TAFA5: variants seen among roughly 807,000 people sequenced by gnomAD.
TAFA5 encodes the protein TAFA chemokine like family member 5.
In TAFA5, 6 loss-of-function variants were observed where a neutral mutation model predicts 15.3. The ratio of observed to expected loss-of-function variants is 0.39; its 90% CI spans 0.21 to 0.77. The LOEUF is 0.77. TAFA5 is among the 30% of genes least tolerant of loss of function. The pLI is 0.41. For synonymous variants in TAFA5, 103 were observed against 80.7 expected, an observed-to-expected ratio of 1.28 and a Z score of -1.48; for missense variants, 161 against 193.1, an observed-to-expected ratio of 0.83 and a Z score of 0.98.
intron 2 of TAFA5, among the ~76,000 whole-genome samples, chr22:48,689,971 T>C (rs5771956): frequency 0.57 from 86,619 of 151,840 alleles, 24,917 homozygotes; most frequent in Non-Finnish European, 0.61. Flanking sequence ...TGTACACCGC[T>C]CTGCCTTGCA....
intron 1 of TAFA5, among the ~76,000 whole-genome samples, chr22:48,578,273 G>A (rs560180044): frequency 5.3e-5 from 8 of 152,204 alleles, no homozygotes; most frequent in African/African-American, 9.6e-5. Flanking sequence ...AGTTAGTAAC[G>A]GGAGAAGCTC....
chr22:48,592,427 A>G (rs1378084479), intron 1 of TAFA5, among the ~76,000 whole-genome samples: 1 of 152,154 alleles, frequency 6.6e-6, no homozygotes, highest in Non-Finnish European at 1.5e-5. Context: ...GTGAAGTGGG[A>G]GCCACTACAG....
At chr22:48,511,909 C>T (rs948210356) in intron 1 of TAFA5, among the ~76,000 whole-genome samples, 13 of 152,240 alleles carry the variant, frequency 8.5e-5, no homozygotes, top group South Asian at 2.1e-4. Flanking sequence ...GCTACAGATG[C>T]GGAACGGGGC....
chr22:48,742,566 G>A lies in TAFA5; in HGVS notation c.391-7273G>A, dbSNP rs1219315259. Among the ~76,000 whole-genome samples the A allele has an allele frequency of 5.3e-5, 8 of 151,768 alleles. No homozygotes were observed. ...GGCCGCATGGTGGACCAGGCAACGT[G>A]GTAGACTGGGCAGCGTGATGGACCA... On this transcript the variant is annotated intron_variant, in intron 3 of 3. Coordinates refer to ENST00000402357, the MANE Select transcript of TAFA5 (RefSeq NM_001082967.3). The surrounding 1 kb of genome is among the most constrained non-coding windows in gnomAD (Gnocchi z 6.2).
chr22:48,590,707 T>C (rs1924536952), intron 1 of TAFA5, among the ~76,000 whole-genome samples: 1 of 151,886 alleles, frequency 6.6e-6, no homozygotes, highest in African/African-American at 2.4e-5. Flanking sequence ...CAAAAGAAAA[T>C]TGTGGAAAAG....
Position 48,497,278 on chromosome 22 carries a change from G to GC in TAFA5, c.112+7574_112+7575insC, listed in dbSNP as rs1928363112. Among the ~76,000 whole-genome samples the GC allele has an allele frequency of 2.6e-5, 4 of 152,092 alleles. No individual in the cohort carries two copies. The South Asian group carries it at 6.2e-4, about 24-fold the overall frequency. On this transcript the variant is annotated intron_variant, in intron 1 of 3. Transcript: ENST00000402357. The stretch of plus-strand genomic sequence containing the variant: ...GGAGGACGCAGGGAGGAGAAGCCGG[G>GC]GCCTGCGGTCCCACGGGGCCCGGCA...
intron 2 of TAFA5, among the ~76,000 whole-genome samples, chr22:48,703,473 A>G (rs73175178): frequency 0.16 from 23,911 of 152,182 alleles, 2,034 homozygotes; most frequent in Non-Finnish European, 0.19. Flanking sequence ...AGATGCTGAA[A>G]GCTGGCACAT....
In TAFA5 at chr22:48,678,567, C is replaced by G. The variant is rs150091705; in HGVS notation, c.263-29150C>G. 9.0e-3 allele frequency among the ~76,000 whole-genome samples: 1,227 copies of G among 136,104 alleles called. 26 individuals carry two copies. Among genetic ancestry groups the G allele is most frequent in the African/African-American group, 0.03 (1,150 of 37,716 alleles). 89.3% of individuals were successfully genotyped at this position (136,104 alleles called of 152,430 possible). ...GGAGCAGGAAGAGGTCGGGGAGCCG[C>G]GTGTGTGACCTAAGCAGGGCTGCGG... is the stretch of plus-strand genomic sequence containing the variant. On this transcript the variant is annotated intron_variant, in intron 2 of 3. Coordinates refer to ENST00000402357, the MANE Select transcript of TAFA5 (RefSeq NM_001082967.3).
intron 1 of TAFA5, among the ~76,000 whole-genome samples, chr22:48,499,421 C>T (rs1920941305): frequency 6.6e-6 from 1 of 152,130 alleles, no homozygotes; most frequent in Non-Finnish European, 1.5e-5. Context: ...GATTTCTCCC[C>T]AGGAAGTTCT....
intron 1 of TAFA5, among the ~76,000 whole-genome samples, chr22:48,604,777 C>G (rs1167140893): frequency 1.3e-5 from 2 of 152,144 alleles, no homozygotes; most frequent in East Asian, 3.9e-4. Context: ...GATTGAGGGG[C>G]CCAGGGCAGG....
chr22:48,676,081 G>C (rs192245750), intron 2 of TAFA5, among the ~76,000 whole-genome samples: 4 of 152,374 alleles, frequency 2.6e-5, no homozygotes, highest in African/African-American at 4.8e-5. Context: ...CAGAGCACAG[G>C]CTGATCTCAG....
intron 1 of TAFA5, among the ~76,000 whole-genome samples, chr22:48,574,421 C>T (rs992556717): frequency 2.6e-5 from 4 of 152,122 alleles, no homozygotes; most frequent in Non-Finnish European, 4.4e-5. Context: ...CTGACTCTGC[C>T]CTTGACTTTT....
At chr22:48,602,524 C>T (rs1340033775) in intron 1 of TAFA5, among the ~76,000 whole-genome samples, 1 of 152,212 alleles carries the variant, frequency 6.6e-6, no homozygotes. Flanking sequence ...CTCTCACCCC[C>T]TTGCAGTTTC....
chr22:48,737,863 A>G (rs1441360471), intron 3 of TAFA5, among the ~76,000 whole-genome samples: 4 of 152,132 alleles, frequency 2.6e-5, no homozygotes, highest in Non-Finnish European at 5.9e-5. Context: ...CTCTGAGGTC[A>G]GAGGTGGGGT....
At chr22:48,688,135 G>A (rs1023447209) in intron 2 of TAFA5, among the ~76,000 whole-genome samples, 1 of 150,688 alleles carries the variant, frequency 6.6e-6, no homozygotes, top group African/African-American at 2.4e-5. Flanking sequence ...CTAATTTGAT[G>A]ACCCAGACTT....
At position 48,561,094 on chromosome 22, in the gene TAFA5, G is replaced by C. The variant is rs965615364; in HGVS notation, c.112+71390G>C. On this transcript the variant is annotated intron_variant, in intron 1 of 3. Coordinates refer to ENST00000402357, the MANE Select transcript of TAFA5 (RefSeq NM_001082967.3). ...GGTGGGTGGGGACTGTGGATGGGAG[G>C]TGATGCATCCCACCCTGGGAAGGCG... 1.5e-4 allele frequency among the ~76,000 whole-genome samples: 23 copies of C among 152,116 alleles called. 1 individual carries two copies. Among genetic ancestry groups the C allele is most frequent in the Non-Finnish European group, 2.6e-4 (18 of 68,032 alleles).
intron 1 of TAFA5, among the ~76,000 whole-genome samples, chr22:48,618,190 G>T (rs992270327): frequency 1.4e-4 from 21 of 152,088 alleles, no homozygotes; most frequent in Admixed American, 1.4e-3. Flanking sequence ...GATACTGGAG[G>T]GTGGGAGTTG....
chr22:48,564,553 G>A (rs1923346066), intron 1 of TAFA5, among the ~76,000 whole-genome samples: 2 of 152,208 alleles, frequency 1.3e-5, no homozygotes, highest in African/African-American at 4.8e-5. Flanking sequence ...TGGGAGCTCT[G>A]AAAAAGGTAC....
intron 1 of TAFA5, among the ~76,000 whole-genome samples, chr22:48,584,693 A>T (rs1924265693): frequency 6.7e-6 from 1 of 148,928 alleles, no homozygotes; most frequent in Non-Finnish European, 1.5e-5. Flanking sequence ...CACCACAAAC[A>T]CACACCACAC....
Sources: gnomAD v4.1 joint callset for allele counts (sites outside exome capture counted in the v4.1 genomes callset) on GRCh38, gnomAD v4.1.1 for gene constraint, Gnocchi (gnomAD v3.1) non-coding constraint, MANE v1.5 for transcripts, NCBI Gene and HGNC (gene_info 2026-07-23, HGNC 2026-07-21) for gene names.